The following KLHL29 variants were observed in gnomAD, a reference collection of about 807,000 sequenced individuals.
The protein encoded by KLHL29 is kelch-like protein 29.
Under a neutral mutation model 80.4 loss-of-function variants are expected in KLHL29, and 21 were observed. The observed-to-expected ratio is 0.26, with a 90% CI of 0.19 to 0.38. KLHL29 has a LOEUF of 0.38. KLHL29 is among the 10% of genes least tolerant of loss of function. The pLI, the probability that KLHL29 is intolerant of heterozygous loss-of-function variation, is 1.00. For synonymous variants in KLHL29, 511 were observed against 526.8 expected (o/e 0.97, Z 0.41); for missense variants, 867 against 1,223.9 (o/e 0.71, Z 4.35).
chr2:23,422,352 G>GTTGTGT (rs2103402828), intron 1 of KLHL29, among the ~76,000 whole-genome samples: 1 of 150,250 alleles, frequency 6.7e-6, no homozygotes, highest in South Asian at 2.1e-4. Flanking sequence ...GTCTTTGTGT[G>GTTGTGT]TTGTGTTTGT....
intron 2 of KLHL29, among the ~76,000 whole-genome samples, chr2:23,513,921 T>G (rs1665851232): frequency 6.6e-6 from 1 of 152,190 alleles, no homozygotes. Flanking sequence ...CTTGAGCAAT[T>G]TCATCTGACG....
intron 3 of KLHL29, among the ~76,000 whole-genome samples, chr2:23,606,975 A>T (rs1668743741): frequency 6.6e-6 from 1 of 152,216 alleles, no homozygotes; most frequent in Admixed American, 6.5e-5. Flanking sequence ...TGGCTCATGG[A>T]CAGCACCTTC....
chr2:23,392,178 G>A (rs1004881832), intron 1 of KLHL29, among the ~76,000 whole-genome samples: 3 of 152,204 alleles, frequency 2.0e-5, no homozygotes, highest in Non-Finnish European at 4.4e-5. Context: ...CTTAGGAAAA[G>A]TAGCTGTGGA....
At chr2:23,439,469 C>T (rs1331627047) in intron 1 of KLHL29, among the ~76,000 whole-genome samples, 1 of 149,758 alleles carries the variant, frequency 6.7e-6, no homozygotes, top group African/African-American at 2.5e-5. Flanking sequence ...TTTCCCTCTA[C>T]ACACTGCTTT....
chr2:23,448,578 T>C (rs948320411), intron 1 of KLHL29, among the ~76,000 whole-genome samples: 29 of 152,206 alleles, frequency 1.9e-4, no homozygotes, highest in African/African-American at 6.5e-4. Flanking sequence ...GGACACTGCA[T>C]GGCTGGACCC....
chr2:23,472,796 A>T (rs1361111193), intron 1 of KLHL29, among the ~76,000 whole-genome samples: 1 of 152,216 alleles, frequency 6.6e-6, no homozygotes, highest in Non-Finnish European at 1.5e-5. Flanking sequence ...TAAAGAACTT[A>T]CCTGCTGTCA....
At position 23,527,524 on chromosome 2, in the gene KLHL29, T is replaced by C. The variant is rs1185625729; in HGVS notation, c.-45-34628T>C. On this transcript the variant is annotated intron_variant, in intron 2 of 13. Transcript: ENST00000486442. ...AGAGGCTTGCCTGCTTAGAAAGCTG[T>C]GAGCAGAACTTAGAGGCTGTGAGCA... is the stretch of plus-strand genomic sequence containing the variant. Among the ~76,000 whole-genome samples, 4 of 152,118 alleles carry C rather than the reference T, an allele frequency of 2.6e-5. No homozygotes were observed. The South Asian group carries it at 6.2e-4, about 24-fold the overall frequency.
In KLHL29 at chr2:23,700,526, G is replaced by A. The variant is rs982404888; in HGVS notation, c.2106-2660G>A. Among the ~76,000 whole-genome samples, 3 of 152,158 alleles carry A rather than the reference G, an allele frequency of 2.0e-5. No homozygotes were observed. Among genetic ancestry groups the A allele is most frequent in the Non-Finnish European group, 2.9e-5 (2 of 68,030 alleles). On this transcript the variant is annotated intron_variant, in intron 11 of 13. Coordinates refer to ENST00000486442, the MANE Select transcript of KLHL29 (RefSeq NM_052920.2). This position sits in a 1 kb window ranked among gnomAD's most constrained non-coding sequence, Gnocchi z 4.6. ...TTCAGCAACATCCCTATGGTAGCTT[G>A]AAATCAGCCAAGTGGGAGGAGTGAC...
intron 1 of KLHL29, among the ~76,000 whole-genome samples, chr2:23,400,798 C>T (rs144971315): frequency 1.8e-3 from 269 of 152,284 alleles, no homozygotes; most frequent in African/African-American, 6.2e-3. Flanking sequence ...TGCACCACTG[C>T]GCTCCAGCCT....
intron 1 of KLHL29, among the ~76,000 whole-genome samples, chr2:23,386,489 C>T (rs1666185965): frequency 1.3e-5 from 2 of 152,138 alleles, no homozygotes; most frequent in Non-Finnish European, 2.9e-5. Flanking sequence ...TGGGGGGACG[C>T]GGAAAGGAGA....
intron 3 of KLHL29, among the ~76,000 whole-genome samples, chr2:23,633,025 C>A (rs540215344): frequency 6.6e-6 from 1 of 152,212 alleles, no homozygotes; most frequent in Non-Finnish European, 1.5e-5. Flanking sequence ...GGAGGGCCAG[C>A]GCCCGTGAGC....
At chr2:23,429,037 C>A (rs967958806) in intron 1 of KLHL29, among the ~76,000 whole-genome samples, 1 of 152,202 alleles carries the variant, frequency 6.6e-6, no homozygotes, top group African/African-American at 2.4e-5. Context: ...GGCCTTGACT[C>A]CCCTGTGTGC....
intron 3 of KLHL29, among the ~76,000 whole-genome samples, chr2:23,579,741 G>A (rs1490413417): frequency 2.0e-5 from 3 of 152,124 alleles, no homozygotes; most frequent in Non-Finnish European, 2.9e-5. Context: ...TTGCCCTGAA[G>A]GAAAAGTGGC....
chr2:23,492,702 A>G (rs561189509), intron 2 of KLHL29, among the ~76,000 whole-genome samples: 3 of 152,350 alleles, frequency 2.0e-5, no homozygotes, highest in African/African-American at 7.2e-5. Context: ...GGCTCTGTGC[A>G]AAACAGAGTT....
intron 1 of KLHL29, among the ~76,000 whole-genome samples, chr2:23,423,381 C>T (rs897939941): frequency 4.6e-5 from 7 of 152,226 alleles, no homozygotes; most frequent in Non-Finnish European, 1.0e-4. Context: ...GAAGGGGTCC[C>T]TTCCGCCCTG....
intron 1 of KLHL29, among the ~76,000 whole-genome samples, chr2:23,412,803 G>A (rs991549008): frequency 2.0e-5 from 3 of 152,136 alleles, no homozygotes; most frequent in Non-Finnish European, 2.9e-5. Context: ...TGTCTCCTCC[G>A]CAAGAAGCTC....
Position 23,422,137 on chromosome 2 carries a change from G to T in KLHL29, c.-154+36357G>T, listed in dbSNP as rs913335360. Reference sequence around the variant, plus strand: ...CAGTATGGGTGGGTCTTTGTGTGTTGTGTGTGTCTGTGTGAGTGTGTGTTC... The same window carrying T: ...CAGTATGGGTGGGTCTTTGTGTGTTTTGTGTGTCTGTGTGAGTGTGTGTTC... On this transcript the variant is annotated intron_variant, in intron 1 of 13. Coordinates refer to ENST00000486442, the MANE Select transcript of KLHL29 (RefSeq NM_052920.2). 3.3e-5 allele frequency among the ~76,000 whole-genome samples: 5 copies of T among 151,518 alleles called. No individual in the cohort carries two copies. The South Asian group carries it at 8.4e-4, about 25-fold the overall frequency.
At chr2:23,624,309 G>A (rs1558413037) in intron 3 of KLHL29, among the ~76,000 whole-genome samples, 2 of 152,128 alleles carry the variant, frequency 1.3e-5, no homozygotes, top group Non-Finnish European at 2.9e-5. Flanking sequence ...GAAGGACCAG[G>A]TACCAGATAG....
At chr2:23,607,020 G>A (rs1289333110) in intron 3 of KLHL29, among the ~76,000 whole-genome samples, 1 of 152,324 alleles carries the variant, frequency 6.6e-6, no homozygotes, top group South Asian at 2.1e-4. Flanking sequence ...GCAAGCTCTG[G>A]TCTCATGAGC....
Sources: allele counts gnomAD v4.1 joint callset (sites outside exome capture counted in the v4.1 genomes callset), GRCh38; gene constraint gnomAD v4.1.1; non-coding constraint Gnocchi (gnomAD v3.1); transcripts MANE v1.5; gene names NCBI Gene and HGNC (gene_info 2026-07-23, HGNC 2026-07-21).